The following CREB3L2 variants were observed in gnomAD, a reference collection of about 807,000 sequenced individuals.
CREB3L2 encodes cAMP responsive element binding protein 3 like 2, also known as cyclic AMP-responsive element-binding protein 3-like protein 2.
A neutral mutation model predicts 57.2 loss-of-function variants in CREB3L2; 23 were observed. That is an observed-to-expected ratio of 0.40 (90% CI 0.29 to 0.57). The LOEUF is 0.57. CREB3L2 is among the 20% of genes least tolerant of loss of function. CREB3L2 has a pLI of 0.42. For missense variants in CREB3L2, 628 were observed against 634.7 expected (o/e 0.99, Z 0.11); for synonymous variants, 268 against 265.1 (o/e 1.01, Z -0.11).
chr7:137,893,048 G>A (rs938047912), intron 8 of CREB3L2, among the ~76,000 whole-genome samples: 4 of 151,704 alleles, frequency 2.6e-5, no homozygotes, highest in African/African-American at 9.7e-5. Context: ...AGTTTTGAAG[G>A]TTGTTCATGG....
chr7:137,927,278 G>GAAAGGAGGAAGGAAGGAAGGAAGGAAGGA (rs35701640), intron 2 of CREB3L2, among the ~76,000 whole-genome samples: 3 of 136,530 alleles, frequency 2.2e-5, no homozygotes, highest in African/African-American at 9.4e-5. Flanking sequence ...GAAAGGAAAG[G>GAAAGGAGGAAGGAAGGAAGGAAGGAAGGA]AGGAAGGAAG....
intron 1 of CREB3L2, among the ~76,000 whole-genome samples, chr7:137,966,496 C>T (rs183918056): frequency 6.2e-4 from 95 of 152,200 alleles, no homozygotes; most frequent in African/African-American, 2.0e-3. Context: ...ATCCTAGCCA[C>T]GACTCAGATA....
At chr7:137,922,679 C>T (rs1204100200) in intron 2 of CREB3L2, 5 of 444,524 alleles carry the variant, frequency 1.1e-5, no homozygotes, top group Admixed American at 4.8e-5. Context: ...TTCAAATAAA[C>T]GTGGATTGAA....
intron 1 of CREB3L2, among the ~76,000 whole-genome samples, chr7:137,986,933 G>A (rs1209650247): frequency 6.6e-6 from 1 of 152,182 alleles, no homozygotes; most frequent in Non-Finnish European, 1.5e-5. Flanking sequence ...GATGCCTCGA[G>A]CCCAAGGGCG....
chr7:137,899,168 G>C (rs988763317), intron 8 of CREB3L2, among the ~76,000 whole-genome samples: 7 of 117,390 alleles, frequency 6.0e-5, no homozygotes, highest in Admixed American at 9.7e-5. Context: ...AAGGAAGGAA[G>C]GAACACGCAG....
Position 137,880,280 on chromosome 7 carries a change from C to T in CREB3L2, c.*196G>A. 1 of 598,094 alleles carries T rather than the reference C, an allele frequency of 1.7e-6. No homozygotes were observed. Among genetic ancestry groups the T allele is most frequent in the East Asian group, 2.8e-5 (1 of 35,674 alleles). The allele number at this position is 598,094 out of a possible 1,614,324, so 37.0% of individuals were successfully genotyped here. A position where few individuals can be genotyped will look rare whatever the true frequency, so the allele number is the denominator to read the frequency against. On this transcript the variant is annotated 3_prime_UTR_variant, in exon 12 of 12. Coordinates refer to ENST00000330387, the MANE Select transcript of CREB3L2 (RefSeq NM_194071.4). The surrounding 1 kb of genome is among the most constrained non-coding windows in gnomAD (Gnocchi z 4.0). Reference sequence around the variant, plus strand: ...AGGGAGGGATGCAGGCTCCCTTCTGCACAGGAGGGGCATGGACCAGGGGGA... The same window carrying T: ...AGGGAGGGATGCAGGCTCCCTTCTGTACAGGAGGGGCATGGACCAGGGGGA...
chr7:137,953,917 C>T (rs1801156253), intron 1 of CREB3L2, among the ~76,000 whole-genome samples: 1 of 152,216 alleles, frequency 6.6e-6, no homozygotes, highest in Admixed American at 6.5e-5. Flanking sequence ...CCTGTAACCT[C>T]TCCAGGAGGG....
At chr7:137,925,713 A>C (rs1225210204) in intron 2 of CREB3L2, among the ~76,000 whole-genome samples, 2 of 152,218 alleles carry the variant, frequency 1.3e-5, no homozygotes, top group Non-Finnish European at 2.9e-5. Context: ...AAATAGATCC[A>C]GACAAAGCTT....
At chr7:137,973,533 G>T (rs1222191444) in intron 1 of CREB3L2, among the ~76,000 whole-genome samples, 1 of 152,142 alleles carries the variant, frequency 6.6e-6, no homozygotes, top group South Asian at 2.1e-4. Context: ...TAGCAAAAAG[G>T]TAACAAGAGA....
Position 137,954,167 on chromosome 7 carries a change from G to T in CREB3L2, c.103-25801C>A, listed in dbSNP as rs544502901. Among the ~76,000 whole-genome samples the T allele has an allele frequency of 5.9e-5, 9 of 152,248 alleles. No individual in the cohort carries two copies. In the South Asian group the frequency reaches 1.9e-3, roughly 32 times the overall value. ...GTACCTGTCCTGTCTACGCATGAGG[G>T]ATAACTAAAATGACAACTGAAATTG... On this transcript the variant is annotated intron_variant, in intron 1 of 11. Transcript: ENST00000330387.
Position 137,914,439 on chromosome 7 carries a change from G to A in CREB3L2, c.496-1361C>T, listed in dbSNP as rs568305449. 2.6e-4 allele frequency among the ~76,000 whole-genome samples: 39 copies of A among 152,046 alleles called. 1 individual carries two copies. The highest frequency in any genetic ancestry group is 8.7e-4 in the African/African-American group (36 of 41,502). On this transcript the variant is annotated intron_variant, in intron 3 of 11. Coordinates refer to ENST00000330387, the MANE Select transcript of CREB3L2 (RefSeq NM_194071.4). ...TTGAGGTCAGGAGTTCGAGACCAGC[G>A]TGGCCAACATGGTAAAACCCCATCT...
At chr7:137,953,216 T>C (rs943525565) in intron 1 of CREB3L2, 4 of 301,688 alleles carry the variant, frequency 1.3e-5, no homozygotes, top group Non-Finnish European at 2.6e-5. Context: ...ACAAGAGAGC[T>C]CAGGGTTAGA....
At chr7:137,998,414 T>A (rs1802025357) in intron 1 of CREB3L2, among the ~76,000 whole-genome samples, 1 of 152,252 alleles carries the variant, frequency 6.6e-6, no homozygotes, top group Non-Finnish European at 1.5e-5. Flanking sequence ...GTCAGCCTCA[T>A]TTAAACATTA....
At chr7:137,882,874 A>G (rs1279593306) in intron 10 of CREB3L2, among the ~76,000 whole-genome samples, 1 of 151,830 alleles carries the variant, frequency 6.6e-6, no homozygotes, top group Non-Finnish European at 1.5e-5. Flanking sequence ...ACACAAGGCA[A>G]ACTACCACCC....
intron 8 of CREB3L2, among the ~76,000 whole-genome samples, chr7:137,899,135 A>G (rs981625631): frequency 1.1e-4 from 17 of 147,918 alleles, no homozygotes; most frequent in African/African-American, 4.1e-4. Flanking sequence ...GAAGGAAGGA[A>G]GGAAGGAAGG....
chr7:137,890,986 T>C (rs973716713), intron 8 of CREB3L2, among the ~76,000 whole-genome samples: 42 of 152,270 alleles, frequency 2.8e-4, no homozygotes, highest in African/African-American at 9.6e-4. Flanking sequence ...TCAGTGATCA[T>C]GGCTAATTAT....
At chr7:137,920,625 A>G (rs1800253540) in intron 2 of CREB3L2, among the ~76,000 whole-genome samples, 1 of 152,260 alleles carries the variant, frequency 6.6e-6, no homozygotes, top group African/African-American at 2.4e-5. Flanking sequence ...ATTAGAATCT[A>G]TTACAATGAA....
At chr7:137,995,786 T>C (rs1350636718) in intron 1 of CREB3L2, among the ~76,000 whole-genome samples, 2 of 152,238 alleles carry the variant, frequency 1.3e-5, no homozygotes, top group African/African-American at 4.8e-5. Context: ...GCAAAAGCAA[T>C]GTCACATCAG....
At chr7:137,991,869 T>C (rs984870341) in intron 1 of CREB3L2, among the ~76,000 whole-genome samples, 15 of 150,658 alleles carry the variant, frequency 1.0e-4, no homozygotes, top group Middle Eastern at 3.4e-3. Context: ...GATCACGCCA[T>C]TGCACTCCAG....
Sources: gnomAD v4.1 joint callset for allele counts (sites outside exome capture counted in the v4.1 genomes callset) on GRCh38, gnomAD v4.1.1 for gene constraint, Gnocchi (gnomAD v3.1) non-coding constraint, MANE v1.5 for transcripts, NCBI Gene and HGNC (gene_info 2026-07-23, HGNC 2026-07-21) for gene names.